Variants in DR1 observed in about 807,000 individuals in gnomAD.
The protein encoded by DR1 is down-regulator of transcription 1, also known as protein Dr1.
DR1 carries 7 observed loss-of-function variants against 19.9 expected under a neutral mutation model. That is an observed-to-expected ratio of 0.35 (90% CI 0.20 to 0.66). DR1 has a LOEUF of 0.66. Ranked by LOEUF, DR1 falls within the 30% of genes least tolerant of loss-of-function variation. The probability of loss-of-function intolerance (pLI) is 0.66; values close to 1 mark genes in which losing one functional copy is unlikely to be tolerated. For missense variants in DR1, 98 were observed against 203.7 expected, an observed-to-expected ratio of 0.48 and a Z score of 3.16; for synonymous variants, 76 against 72.5, an observed-to-expected ratio of 1.05 and a Z score of -0.24.
intron 1 of DR1, among the ~76,000 whole-genome samples, chr1:93,352,531 C>T (rs1666926654): frequency 6.6e-6 from 1 of 152,180 alleles, no homozygotes; most frequent in Non-Finnish European, 1.5e-5. Flanking sequence ...ATTTGAAATA[C>T]TTAAAGTTGT....
At chr1:93,358,218 C>G (rs1667012876) in intron 2 of DR1, among the ~76,000 whole-genome samples, 1 of 152,146 alleles carries the variant, frequency 6.6e-6, no homozygotes, top group African/African-American at 2.4e-5. Context: ...AAGCAATTAT[C>G]TTAGCTCCAG....
intron 1 of DR1, among the ~76,000 whole-genome samples, chr1:93,348,965 A>T (rs1268544400): frequency 6.6e-6 from 1 of 152,092 alleles, no homozygotes; most frequent in Non-Finnish European, 1.5e-5. Flanking sequence ...GTGCCTATAC[A>T]CTAATCATAA....
rs1202461679 is a variant in DR1 at position 93,365,741 on chromosome 1, A to C, written c.*5102A>C. On this transcript the variant is annotated 3_prime_UTR_variant, in exon 3 of 3. Transcript: ENST00000370272. ...TATGTTTCCAAGAAAGTCAAATCTT[A>C]CAGGAGACTCTTGACTTCACATCTG... 1 of 152,232 alleles carries C rather than the reference A, an allele frequency of 6.6e-6. No individual in the cohort carries two copies. The highest frequency in any genetic ancestry group is 1.5e-5 in the Non-Finnish European group (1 of 68,044). 9.4% of individuals were successfully genotyped at this position (152,232 alleles called of 1,614,324 possible). A position where few individuals can be genotyped will look rare whatever the true frequency, so the allele number is the denominator to read the frequency against.
intron 2 of DR1, chr1:93,355,317 A>G (rs1666966615): frequency 6.6e-6 from 1 of 152,200 alleles, no homozygotes; most frequent in Non-Finnish European, 1.5e-5. Flanking sequence ...TGAAGTCATT[A>G]CTATTTACCA....
Position 93,364,327 on chromosome 1 carries a change from G to T in DR1, c.*3688G>T, listed in dbSNP as rs553284574. 2 of 152,198 alleles carry T rather than the reference G, an allele frequency of 1.3e-5. No individual in the cohort carries two copies. The highest frequency in any genetic ancestry group is 2.9e-5 in the Non-Finnish European group (2 of 68,004). 9.4% of individuals were successfully genotyped at this position (152,198 alleles called of 1,614,324 possible). On this transcript the variant is annotated 3_prime_UTR_variant, in exon 3 of 3. Coordinates refer to ENST00000370272, the MANE Select transcript of DR1 (RefSeq NM_001938.3). ...GAAAAAATGCAAATTTTAAGTAATC[G>T]TAAGTAGTATGTTGAATTAGTATGT...
rs1667059447 is a variant in DR1, at chr1:93,361,977, G to A, written c.*1338G>A. ...CAGAAAGGAAAAGTCACTTAAGATA[G>A]TATTAAGTAATTAAATTCCTATGTC... On this transcript the variant is annotated 3_prime_UTR_variant, in exon 3 of 3. Coordinates refer to ENST00000370272, the MANE Select transcript of DR1 (RefSeq NM_001938.3). 6.6e-6 allele frequency: 1 copy of A among 152,484 alleles called. No individual in the cohort carries two copies. Among genetic ancestry groups the A allele is most frequent in the Non-Finnish European group, 1.5e-5 (1 of 67,912 alleles). 9.4% of individuals were successfully genotyped at this position (152,484 alleles called of 1,614,324 possible).
In DR1 at chr1:93,364,791, T is replaced by G. The variant is rs545833082; in HGVS notation, c.*4152T>G. ...GAATAAGAGGAAGAAACTTTTTTTT[T>G]TTTTTTAAAGAAACAGGGTCTCACT... On this transcript the variant is annotated 3_prime_UTR_variant, in exon 3 of 3. Coordinates refer to ENST00000370272, the MANE Select transcript of DR1 (RefSeq NM_001938.3). The G allele has an allele frequency of 6.6e-6, 1 of 151,840 alleles. No individual in the cohort carries two copies. The highest frequency in any genetic ancestry group is 2.1e-4 in the South Asian group (1 of 4,824). The allele number at this position is 151,840 out of a possible 1,614,324, so 9.4% of individuals were successfully genotyped here. A position where few individuals can be genotyped will look rare whatever the true frequency, so the allele number is the denominator to read the frequency against.
chr1:93,358,882 G>A (rs1405713138), intron 2 of DR1, among the ~76,000 whole-genome samples: 1 of 152,178 alleles, frequency 6.6e-6, no homozygotes, highest in Non-Finnish European at 1.5e-5. Context: ...GGAGAAAATA[G>A]TATTTCAGTT....
chr1:93,357,309 C>T (rs558342099), intron 2 of DR1, among the ~76,000 whole-genome samples: 3 of 152,080 alleles, frequency 2.0e-5, no homozygotes, highest in South Asian at 4.2e-4. Context: ...TCTGCATTTC[C>T]TTGTATCCCC....
intron 1 of DR1, among the ~76,000 whole-genome samples, chr1:93,347,635 A>G (rs900633430): frequency 6.6e-6 from 1 of 151,494 alleles, no homozygotes. Context: ...TGTCATTCCT[A>G]TTTGAATGTA....
intron 2 of DR1, among the ~76,000 whole-genome samples, chr1:93,359,360 ATCTC>A (rs1052655207): frequency 6.6e-6 from 1 of 152,212 alleles, no homozygotes; most frequent in Non-Finnish European, 1.5e-5. Flanking sequence ...TATGGAAACA[ATCTC>A]TATTCTCAAG....
chr1:93,349,326 A>G (rs993785034), intron 1 of DR1, among the ~76,000 whole-genome samples: 2 of 152,098 alleles, frequency 1.3e-5, no homozygotes, highest in Non-Finnish European at 2.9e-5. Flanking sequence ...ATTGAAGACC[A>G]TAGATACATG....
chr1:93,358,455 C>CA (rs1667018805), intron 2 of DR1, among the ~76,000 whole-genome samples: 1 of 152,184 alleles, frequency 6.6e-6, no homozygotes, highest in Non-Finnish European at 1.5e-5. Context: ...TTTCCTGTAG[C>CA]AGAGACTGAA....
chr1:93,351,237 G>C (rs1040124381), intron 1 of DR1, among the ~76,000 whole-genome samples: 1 of 151,890 alleles, frequency 6.6e-6, no homozygotes, highest in Non-Finnish European at 1.5e-5. Flanking sequence ...TAAATTTATG[G>C]CTGCTCCTTT....
chr1:93,355,227 T>C (rs1341401664), intron 2 of DR1: 1 of 152,198 alleles, frequency 6.6e-6, no homozygotes, highest in Non-Finnish European at 1.5e-5. Context: ...TTTATTGTAT[T>C]CATTTACATA....
intron 2 of DR1, among the ~76,000 whole-genome samples, chr1:93,354,616 G>C (rs1666956718): frequency 6.6e-6 from 1 of 152,178 alleles, no homozygotes; most frequent in South Asian, 2.1e-4. Context: ...GTTTCAAAAA[G>C]AGAAGGGAGG....
chr1:93,358,435 T>C (rs1243356078), intron 2 of DR1, among the ~76,000 whole-genome samples: 1 of 152,206 alleles, frequency 6.6e-6, no homozygotes, highest in Non-Finnish European at 1.5e-5. Context: ...TTCACCCTGG[T>C]TGCATCAGTT....
Position 93,354,028 on chromosome 1 carries a change from C to T in DR1, c.341C>T (p.Pro114Leu). ...ASSRLENLGI[P>L]EEELLRQQQE... ...TCTCGTTTGGAAAACCTTGGCATTC[C>T]TGAAGAAGAGTTATTGAGACAGCAA... Residue 114 changes from proline (P) to leucine (L), a missense_variant, in exon 2 of 3, where the codon CCT (proline) becomes CTT (leucine). Transcript: ENST00000370272. 1 of 1,613,466 alleles carries T rather than the reference C, an allele frequency of 6.2e-7. No homozygotes were observed. Among genetic ancestry groups the T allele is most frequent in the Non-Finnish European group, 8.5e-7 (1 of 1,179,684 alleles).
chr1:93,357,514 C>G (rs1215597717), intron 2 of DR1, among the ~76,000 whole-genome samples: 1 of 55,084 alleles, frequency 1.8e-5, no homozygotes, highest in African/African-American at 5.8e-5. Context: ...AAGACCCCAT[C>G]TCTAAAATAA....
Sources: gnomAD v4.1 joint callset for allele counts (sites outside exome capture counted in the v4.1 genomes callset) on GRCh38, gnomAD v4.1.1 for gene constraint, MANE v1.5 for transcripts, NCBI Gene and HGNC (gene_info 2026-07-23, HGNC 2026-07-21) for gene names.